The following GSG1L variants were observed in gnomAD, a reference collection of about 807,000 sequenced individuals.
GSG1L encodes the protein GSG1 like, also known as germ cell-specific gene 1-like protein.
Under a neutral mutation model 42.1 loss-of-function variants are expected in GSG1L, and 24 were observed. The observed-to-expected ratio is 0.57, with a 90% CI of 0.41 to 0.80. The LOEUF (loss-of-function observed/expected upper bound fraction) is 0.80, where lower values mean the gene tolerates loss of function less well. GSG1L is among the 30% of genes least tolerant of loss of function. The pLI, the probability that GSG1L is intolerant of heterozygous loss-of-function variation, is 0.00. For synonymous variants in GSG1L, 215 were observed against 203.5 expected (o/e 1.06, Z -0.48); for missense variants, 445 against 472.2 (o/e 0.94, Z 0.53).
chr16:27,979,690 G>GAAAGAAAGAGAGAGAGAGAGAGAGA (rs1596670886), intron 1 of GSG1L, among the ~76,000 whole-genome samples: 1 of 19,044 alleles, frequency 5.3e-5, no homozygotes, highest in South Asian at 4.2e-3. Context: ...AAAGAAAGAA[G>GAAAGAAAGAGAGAGAGAGAGAGAGA]GAAGGAAGGA....
intron 1 of GSG1L, among the ~76,000 whole-genome samples, chr16:28,060,407 A>G (rs1446197091): frequency 6.6e-6 from 1 of 152,182 alleles, no homozygotes; most frequent in East Asian, 1.9e-4. Flanking sequence ...TCTCACCAGC[A>G]CTGACAAGCT....
Position 27,789,345 on chromosome 16 carries a change from G to A in GSG1L, c.*2025C>T, listed in dbSNP as rs894900571. ...GGGATGAATGGATGTGTGGATGACG[G>A]ATAATGGATGGATGGATGGTTGATG... On this transcript the variant is annotated 3_prime_UTR_variant, in exon 7 of 7. Coordinates refer to ENST00000447459, the MANE Select transcript of GSG1L (RefSeq NM_001109763.2). 2 of 152,092 alleles carry A rather than the reference G, an allele frequency of 1.3e-5. No homozygotes were observed. The highest frequency in any genetic ancestry group is 2.9e-5 in the Non-Finnish European group (2 of 68,006). The allele number at this position is 152,092 out of a possible 1,614,324, so 9.4% of individuals were successfully genotyped here. A position where few individuals can be genotyped will look rare whatever the true frequency, so the allele number is the denominator to read the frequency against.
chr16:28,003,702 C>T (rs929995805), intron 1 of GSG1L, among the ~76,000 whole-genome samples: 1 of 152,178 alleles, frequency 6.6e-6, no homozygotes, highest in African/African-American at 2.4e-5. Flanking sequence ...TCCCAGAATT[C>T]CCCCTGGCAG....
In GSG1L at chr16:28,063,082, C is replaced by T; in HGVS notation, c.343G>A (p.Gly115Arg). Reference protein sequence around the residue: ...IWYSCEEELSGLGEKCRSFID... With the variant: ...IWYSCEEELSRLGEKCRSFID... ...GCCGCCCGCGCGCACTCACCAAGCCCGCTGAGCTCCTCCTCGCACGAGTAC... is the reference window on the plus strand; with the variant it reads ...GCCGCCCGCGCGCACTCACCAAGCCTGCTGAGCTCCTCCTCGCACGAGTAC... The change falls in exon 1 of 7, where the codon GGG (glycine) becomes AGG (arginine). Residue 115 changes from glycine (G) to arginine (R), a missense_variant. Around this residue, in one of 3 missense-constraint regions of GSG1L, gnomAD observed 149 missense variants for 223.3 expected, o/e 0.67. Coordinates refer to ENST00000447459, the MANE Select transcript of GSG1L (RefSeq NM_001109763.2). This position sits in a 1 kb window ranked among gnomAD's most constrained non-coding sequence, Gnocchi z 5.8. 1 of 1,428,714 alleles carries T rather than the reference C, an allele frequency of 7.0e-7. No homozygotes were observed. Among genetic ancestry groups the T allele is most frequent in the Non-Finnish European group, 9.2e-7 (1 of 1,085,354 alleles). 88.5% of individuals were successfully genotyped at this position (1,428,714 alleles called of 1,614,324 possible). A position where few individuals can be genotyped will look rare whatever the true frequency, so the allele number is the denominator to read the frequency against.
At chr16:27,922,750 A>G (rs1464913022) in intron 2 of GSG1L, among the ~76,000 whole-genome samples, 1 of 152,158 alleles carries the variant, frequency 6.6e-6, no homozygotes, top group African/African-American at 2.4e-5. Context: ...GGAGATGCCC[A>G]TAAGCCTCCT....
chr16:27,849,534 T>A (rs2083483594), intron 3 of GSG1L, among the ~76,000 whole-genome samples: 1 of 152,062 alleles, frequency 6.6e-6, no homozygotes, highest in African/African-American at 2.4e-5. Flanking sequence ...TTTAGTTTGT[T>A]TGTTTACTTT....
At chr16:27,924,197 T>C (rs1416539374) in intron 2 of GSG1L, among the ~76,000 whole-genome samples, 1 of 151,496 alleles carries the variant, frequency 6.6e-6, no homozygotes, top group Non-Finnish European at 1.5e-5. Context: ...TATACACAAA[T>C]ATAGACATTA....
chr16:27,822,639 G>A (rs892854166), intron 5 of GSG1L, among the ~76,000 whole-genome samples: 1 of 151,880 alleles, frequency 6.6e-6, no homozygotes, highest in East Asian at 1.9e-4. Flanking sequence ...GGCTAGTCTC[G>A]AGCTCCTAGA....
rs1336470585 is a variant in GSG1L at position 28,063,432 on chromosome 16, G to A, written c.-8C>T. The A allele has an allele frequency of 1.6e-6, 2 of 1,254,378 alleles. No homozygotes were observed. Among genetic ancestry groups the A allele is most frequent in the South Asian group, 2.2e-5 (1 of 46,198 alleles). 77.7% of individuals were successfully genotyped at this position (1,254,378 alleles called of 1,614,324 possible). On this transcript the variant is annotated 5_prime_UTR_variant, in exon 1 of 7. Transcript: ENST00000447459. The surrounding 1 kb of genome is among the most constrained non-coding windows in gnomAD (Gnocchi z 5.8). ...GCGGCGGCTAGTCTTCATGCCGCCC[G>A]CGCCGCCGGGACGGGACTGCACCGC...
rs556744806 is a variant in GSG1L at position 27,884,279 on chromosome 16, T to C, written c.550+207A>G. On this transcript the variant is annotated intron_variant, in intron 3 of 6. Transcript: ENST00000447459. The surrounding 1 kb of genome is among the most constrained non-coding windows in gnomAD (Gnocchi z 4.4). ...GACTGCCTGCTTTTGCTCATTACTA[T>C]AGCCTTAGTACCTGGTCTGGTGCTT... Among the ~76,000 whole-genome samples, 162 of 152,366 alleles carry C rather than the reference T, an allele frequency of 1.1e-3. No homozygotes were observed. The highest frequency in any genetic ancestry group is 3.7e-3 in the African/African-American group (154 of 41,596).
At chr16:28,000,448 C>T (rs1002197567) in intron 1 of GSG1L, among the ~76,000 whole-genome samples, 2 of 152,218 alleles carry the variant, frequency 1.3e-5, no homozygotes, top group African/African-American at 4.8e-5. Context: ...AGATAATCCA[C>T]GAAGAGCTAA....
intron 1 of GSG1L, among the ~76,000 whole-genome samples, chr16:28,053,104 C>G (rs1321596837): frequency 6.6e-6 from 1 of 152,118 alleles, no homozygotes; most frequent in Non-Finnish European, 1.5e-5. Flanking sequence ...AAAAGGATCC[C>G]CTGTAGAGAA....
chr16:27,968,746 G>A (rs1481370389), intron 1 of GSG1L, among the ~76,000 whole-genome samples: 2 of 152,176 alleles, frequency 1.3e-5, no homozygotes, highest in African/African-American at 4.8e-5. Flanking sequence ...CTATGTGCTA[G>A]GCATTTTCCC....
chr16:27,811,191 T>C (rs4787991), intron 5 of GSG1L, among the ~76,000 whole-genome samples: 26,594 of 152,178 alleles, frequency 0.17, 2,634 homozygotes, highest in East Asian at 0.4. Context: ...TAGACTCAAA[T>C]TAAACATATT....
At chr16:28,026,071 G>A (rs1031885494) in intron 1 of GSG1L, among the ~76,000 whole-genome samples, 2 of 152,176 alleles carry the variant, frequency 1.3e-5, no homozygotes, top group African/African-American at 4.8e-5. Context: ...AAGGCTGGCC[G>A]ATATTCAGGA....
intron 5 of GSG1L, among the ~76,000 whole-genome samples, chr16:27,822,796 A>G (rs1300906789): frequency 1.3e-5 from 2 of 152,146 alleles, no homozygotes; most frequent in Non-Finnish European, 2.9e-5. Context: ...TAACCAGGAA[A>G]AGCAGGCTCC....
intron 2 of GSG1L, among the ~76,000 whole-genome samples, chr16:27,896,966 C>T (rs539262279): frequency 8.6e-5 from 13 of 151,890 alleles, no homozygotes; most frequent in African/African-American, 2.7e-4. Context: ...TAGGCTGAAG[C>T]GATTCTCCTG....
intron 3 of GSG1L, among the ~76,000 whole-genome samples, chr16:27,867,099 C>T (rs2083737496): frequency 6.6e-6 from 1 of 152,196 alleles, no homozygotes; most frequent in Non-Finnish European, 1.5e-5. Context: ...TTTACAGAGG[C>T]CACCTTGATG....
intron 3 of GSG1L, among the ~76,000 whole-genome samples, chr16:27,859,480 G>A (rs1417403104): frequency 1.3e-5 from 2 of 152,234 alleles, no homozygotes; most frequent in African/African-American, 4.8e-5. Flanking sequence ...AGATTGCCCA[G>A]GGCCAAGCAA....
Sources: gnomAD v4.1 joint callset for allele counts (sites outside exome capture counted in the v4.1 genomes callset) on GRCh38, gnomAD v4.1.1 for gene constraint, gnomAD v4.1.1 regional missense constraint, Gnocchi (gnomAD v3.1) non-coding constraint, MANE v1.5 for transcripts, NCBI Gene and HGNC (gene_info 2026-07-23, HGNC 2026-07-21) for gene names.